FMN1: variants seen among roughly 807,000 people sequenced by gnomAD.
FMN1 encodes formin 1, also known as formin-1.
A neutral mutation model predicts 132.4 loss-of-function variants in FMN1; 110 were observed. The ratio of observed to expected loss-of-function variants is 0.83; its 90% confidence interval spans 0.71 to 0.97. The LOEUF (loss-of-function observed/expected upper bound fraction) is 0.97, where lower values mean the gene tolerates loss of function less well. FMN1 is among the 50% of genes least tolerant of loss of function. FMN1 has a pLI of 0.00. For synonymous variants in FMN1, 722 were observed against 651.7 expected (o/e 1.11, Z -1.64); for missense variants, 1,792 against 1,705.3 (o/e 1.05, Z -0.90).
At chr15:32,880,191 T>C (rs137971007) in intron 16 of FMN1, among the ~76,000 whole-genome samples, 4 of 152,286 alleles carry the variant, frequency 2.6e-5, no homozygotes, top group African/African-American at 4.8e-5. Flanking sequence ...GACATTATTA[T>C]GACTTTGCAA....
intron 16 of FMN1, among the ~76,000 whole-genome samples, chr15:32,866,884 C>T (rs758586450): frequency 3.9e-5 from 6 of 152,192 alleles, no homozygotes; most frequent in South Asian, 2.1e-4. Context: ...GGCTTTCCTC[C>T]TACTTCTGCC....
intron 4 of FMN1, among the ~76,000 whole-genome samples, chr15:33,116,059 A>G (rs998137200): frequency 6.6e-6 from 1 of 152,204 alleles, no homozygotes; most frequent in Non-Finnish European, 1.5e-5. Flanking sequence ...ATATCCAGAA[A>G]GACTATAGAG....
intron 17 of FMN1, among the ~76,000 whole-genome samples, chr15:32,844,732 C>T (rs1340243414): frequency 6.6e-6 from 1 of 152,180 alleles, no homozygotes; most frequent in African/African-American, 2.4e-5. Context: ...TAATTATTTG[C>T]CACTTGAACT....
chr15:32,908,652 G>A (rs1287832986), intron 11 of FMN1, 74 bp from the exon 12 acceptor site: 3 of 898,650 alleles, frequency 3.3e-6, no homozygotes, highest in African/African-American at 3.5e-5. Context: ...TATGGCAGTG[G>A]GTCTCAAAGT....
intron 17 of FMN1, chr15:32,837,188 C>A: frequency 4.3e-6 from 1 of 232,068 alleles, no homozygotes; most frequent in South Asian, 7.8e-5. Flanking sequence ...ATTGCTTTAT[C>A]CAGGACGGGA....
At chr15:32,891,991 T>A (rs547005994) in intron 15 of FMN1, among the ~76,000 whole-genome samples, 219 of 152,272 alleles carry the variant, frequency 1.4e-3, no homozygotes, top group Non-Finnish European at 2.7e-3. Flanking sequence ...AACAATCATA[T>A]CATCAGCAAA....
rs2056127686 is a variant in FMN1 at position 32,768,666 on chromosome 15, A to G, written c.*5644T>C. 6.6e-6 allele frequency: 1 copy of G among 152,172 alleles called. No individual in the cohort carries two copies. The highest frequency in any genetic ancestry group is 6.5e-5 in the Admixed American group (1 of 15,274). The allele number at this position is 152,172 out of a possible 1,614,324, so 9.4% of individuals were successfully genotyped here. On this transcript the variant is annotated 3_prime_UTR_variant, in exon 21 of 21. Coordinates refer to ENST00000616417, the MANE Select transcript of FMN1 (RefSeq NM_001277313.2). ...TGCCTGAAACTATAGTCTTCTTTGC[A>G]TTTTGCTGGCCCAATGTCATCAAGT...
intron 19 of FMN1, among the ~76,000 whole-genome samples, chr15:32,785,904 T>C (rs2056861804): frequency 6.6e-6 from 1 of 152,172 alleles, no homozygotes. Flanking sequence ...GAAAGGCATC[T>C]TGGGAAACAC....
chr15:32,790,466 G>A (rs1253334968), intron 19 of FMN1, among the ~76,000 whole-genome samples: 1 of 152,174 alleles, frequency 6.6e-6, no homozygotes, highest in East Asian at 1.9e-4. Flanking sequence ...CACAAAATGT[G>A]TTCTTGCTCT....
intron 6 of FMN1, among the ~76,000 whole-genome samples, chr15:33,041,512 G>A (rs2036439130): frequency 1.4e-5 from 2 of 146,424 alleles, no homozygotes; most frequent in East Asian, 4.0e-4. Context: ...TTAACAATTT[G>A]TGTTTTATTT....
At chr15:32,955,804 CGTGTGCGT>C (rs983129907) in intron 9 of FMN1, among the ~76,000 whole-genome samples, 16 of 138,892 alleles carry the variant, frequency 1.2e-4, no homozygotes, top group African/African-American at 4.7e-4. Flanking sequence ...GATGTGTGTG[CGTGTGCGT>C]GTGTGTGTGT....
At chr15:33,102,649 A>G (rs1343308417) in intron 4 of FMN1, among the ~76,000 whole-genome samples, 1 of 152,136 alleles carries the variant, frequency 6.6e-6, no homozygotes, top group Non-Finnish European at 1.5e-5. Context: ...AAGCCCATGG[A>G]GTTTGCCTCG....
intron 3 of FMN1, among the ~76,000 whole-genome samples, chr15:33,176,626 TTTCCTTTCTTCTCAC>T: frequency 6.6e-6 from 1 of 152,280 alleles, no homozygotes; most frequent in East Asian, 1.9e-4. Flanking sequence ...CCTCTTTATA[TTTCCTTTCTTCTCAC>T]TTGTAATACT....
intron 6 of FMN1, among the ~76,000 whole-genome samples, chr15:33,053,015 C>G (rs2037050132): frequency 6.6e-6 from 1 of 152,228 alleles, no homozygotes; most frequent in African/African-American, 2.4e-5. Context: ...TCCCCACAGT[C>G]CCTTCTCTGC....
chr15:33,085,154 G>A (rs1300389408), intron 5 of FMN1, among the ~76,000 whole-genome samples: 2 of 152,040 alleles, frequency 1.3e-5, no homozygotes, highest in Non-Finnish European at 2.9e-5. Flanking sequence ...GTGCTGTTTG[G>A]TTACATGAGT....
chr15:32,829,703 C>G (rs563700505), intron 17 of FMN1, among the ~76,000 whole-genome samples: 2 of 152,310 alleles, frequency 1.3e-5, no homozygotes, highest in South Asian at 4.1e-4. Flanking sequence ...TAAGGATTCT[C>G]TGACTCCTGC....
At chr15:32,829,670 A>G (rs1026589638) in intron 17 of FMN1, among the ~76,000 whole-genome samples, 1 of 152,168 alleles carries the variant, frequency 6.6e-6, no homozygotes, top group Admixed American at 6.5e-5. Context: ...GACTGGGCAT[A>G]TTGTCTCAGC....
At chr15:33,103,598 G>A (rs553967738) in intron 4 of FMN1, among the ~76,000 whole-genome samples, 13 of 152,040 alleles carry the variant, frequency 8.6e-5, no homozygotes, top group African/African-American at 2.9e-4. Flanking sequence ...TTTATCCATT[G>A]TGAAATATTT....
chr15:33,182,270 G>A (rs1965730756), intron 2 of FMN1, among the ~76,000 whole-genome samples: 1 of 152,144 alleles, frequency 6.6e-6, no homozygotes, highest in African/African-American at 2.4e-5. Flanking sequence ...CATTCAAGTG[G>A]GTTCTTAGAA....
Sources: allele counts gnomAD v4.1 joint callset (sites outside exome capture counted in the v4.1 genomes callset), GRCh38; gene constraint gnomAD v4.1.1; transcripts MANE v1.5; gene names NCBI Gene and HGNC (gene_info 2026-07-23, HGNC 2026-07-21).